SERPINB12: variants seen among roughly 807,000 people sequenced by gnomAD.
SERPINB12 encodes the protein serpin B12.
In SERPINB12, 57 loss-of-function variants were observed where a neutral mutation model predicts 41.1. The ratio of observed to expected loss-of-function variants is 1.39; its 90% CI spans 1.12 to 1.73. The LOEUF (loss-of-function observed/expected upper bound fraction) is 1.73. Among genes scored for constraint, SERPINB12 ranks in the 40% most tolerant of loss-of-function variants. The pLI is 0.00. For synonymous variants in SERPINB12, 180 were observed against 181.3 expected, an observed-to-expected ratio of 0.99 and a Z score of 0.06; for missense variants, 536 against 501.9, an observed-to-expected ratio of 1.07 and a Z score of -0.65.
At chr18:63,536,940 CAATT>C in the SERPINB12 span, among the ~76,000 whole-genome samples, 79 of 152,086 alleles carry the variant, frequency 5.2e-4, no homozygotes, top group Non-Finnish European at 9.4e-4. Context: ...TTAGGGGAAA[CAATT>C]TATTTAAATC....
In SERPINB12 at chr18:63,556,342, G is replaced by A. The variant is rs60289002; in HGVS notation, c.168+15G>A. 25 of 1,611,766 alleles carry A rather than the reference G, an allele frequency of 1.6e-5. No individual in the cohort carries two copies. The highest frequency in any genetic ancestry group is 2.0e-5 in the Non-Finnish European group (23 of 1,178,490). On this transcript the variant is annotated intron_variant, in intron 2 of 7. Transcript: ENST00000382768. ...AGATTGATGAGGTACGTGTCCACTA[G>A]GGTGCTACACAGGGTCCTAAACTCT...
At chr18:63,520,731 T>C in the SERPINB12 span, among the ~76,000 whole-genome samples, 1 of 152,036 alleles carries the variant, frequency 6.6e-6, no homozygotes, top group Admixed American at 6.6e-5. Flanking sequence ...TGAAGCCCAG[T>C]TGTGGGTAGG....
the SERPINB12 span, among the ~76,000 whole-genome samples, chr18:63,526,171 A>G: frequency 6.6e-6 from 1 of 152,138 alleles, no homozygotes; most frequent in Non-Finnish European, 1.5e-5. Context: ...TTTTCCTTTT[A>G]AGTTAATTAA....
chr18:63,549,649 A>G (rs79471059), intron 1 of SERPINB12, among the ~76,000 whole-genome samples: 6,216 of 152,216 alleles, frequency 0.041, 430 homozygotes, highest in African/African-American at 0.14. Context: ...AACCCCCATA[A>G]AGATTGTAGG....
intron 1 of SERPINB12, among the ~76,000 whole-genome samples, chr18:63,543,451 C>T (rs1599411571): frequency 1.3e-5 from 2 of 152,196 alleles, no homozygotes; most frequent in South Asian, 4.1e-4. Flanking sequence ...CAGTGCCTGA[C>T]ACATTATAGG....
At position 63,551,302 on chromosome 18, in the gene SERPINB12, A is replaced by G. The variant is rs557662941; in HGVS notation, c.-18-4840A>G. ...AAACAAAGAAACAAAAAAAACAAAA[A>G]AAAGAAAGTTTTCAGGTATGATTTC... On this transcript the variant is annotated intron_variant, in intron 1 of 7. Coordinates refer to ENST00000382768, the MANE Select transcript of SERPINB12 (RefSeq NM_001307928.2). Among the ~76,000 whole-genome samples the G allele has an allele frequency of 2.0e-5, 3 of 152,154 alleles. No individual in the cohort carries two copies. The South Asian group carries it at 6.2e-4, about 32-fold the overall frequency.
At chr18:63,558,590 T>G (rs1221840935) in intron 3 of SERPINB12, 104 bp downstream of exon 3, 1 of 1,259,360 alleles carries the variant, frequency 7.9e-7, no homozygotes, top group Non-Finnish European at 1.1e-6. Context: ...TATTAGACTC[T>G]GGATACCATC....
At chr18:63,557,538 T>C (rs1421737382) in intron 2 of SERPINB12, among the ~76,000 whole-genome samples, 1 of 152,230 alleles carries the variant, frequency 6.6e-6, no homozygotes, top group Non-Finnish European at 1.5e-5. Flanking sequence ...AATTTATGGA[T>C]TAAGACAGAA....
chr18:63,563,338 G>C (rs1262925212), intron 5 of SERPINB12, among the ~76,000 whole-genome samples: 1 of 152,164 alleles, frequency 6.6e-6, no homozygotes, highest in Non-Finnish European at 1.5e-5. Context: ...TTATCATATT[G>C]TCAGATGACT....
At position 63,564,023 on chromosome 18, in the gene SERPINB12, C is replaced by G. The variant is rs1192555552; in HGVS notation, c.608C>G (p.Thr203Ser). ...AGCAAGGACGCTATTAATGCTGAGA[C>G]TGTGCTGGTACTGGTGAATGCTGTT... ...LFSKDAINAETVLVLVNAVYF... is the reference protein window; with the variant it reads ...LFSKDAINAESVLVLVNAVYF... The change falls in exon 6 of 8, where the codon ACT becomes AGT. Residue 203 changes from threonine to serine, a missense_variant. Physicochemically the swap from Thr to Ser is moderately conservative, Grantham distance 58. Coordinates refer to ENST00000382768, the MANE Select transcript of SERPINB12 (RefSeq NM_001307928.2). 1 of 1,613,814 alleles carries G rather than the reference C, an allele frequency of 6.2e-7. No individual in the cohort carries two copies. Among genetic ancestry groups the G allele is most frequent in the Non-Finnish European group, 8.5e-7 (1 of 1,179,878 alleles).
chr18:63,528,004 CTT>C, the SERPINB12 span, among the ~76,000 whole-genome samples: 2 of 152,108 alleles, frequency 1.3e-5, no homozygotes, highest in Admixed American at 1.3e-4. Flanking sequence ...CAAGCTCACT[CTT>C]TGCCTATTGC....
At position 63,547,460 on chromosome 18, in the gene SERPINB12, C is replaced by A. The variant is rs538119893; in HGVS notation, c.-19+4968C>A. 5.5e-3 allele frequency among the ~76,000 whole-genome samples: 839 copies of A among 151,800 alleles called. 4 individuals carry two copies. Among genetic ancestry groups the A allele is most frequent in the African/African-American group, 0.019 (791 of 41,424 alleles). ...TGGTTATTATTTAGTTTGCTGTAAC[C>A]TGGTTTGAATATTTGTTCCAGCAGA... is the stretch of plus-strand genomic sequence containing the variant. On this transcript the variant is annotated intron_variant, in intron 1 of 7. Coordinates refer to ENST00000382768, the MANE Select transcript of SERPINB12 (RefSeq NM_001307928.2).
At chr18:63,554,713 C>T (rs1910619975) in intron 1 of SERPINB12, among the ~76,000 whole-genome samples, 1 of 152,146 alleles carries the variant, frequency 6.6e-6, no homozygotes, top group Admixed American at 6.5e-5. Context: ...CTATCTCACT[C>T]TGGTTCTATA....
Position 63,543,597 on chromosome 18 carries a change from TA to T in SERPINB12, c.-19+1106del, listed in dbSNP as rs1301564214. Among the ~76,000 whole-genome samples the T allele has an allele frequency of 8.0e-5, 6 of 75,452 alleles. No individual in the cohort carries two copies. The East Asian group carries it at 1.7e-3, about 21-fold the overall frequency. 49.5% of individuals were successfully genotyped at this position (75,452 alleles called of 152,430 possible). A position where few individuals can be genotyped will look rare whatever the true frequency, so the allele number is the denominator to read the frequency against. On this transcript the variant is annotated intron_variant, in intron 1 of 7. Coordinates refer to ENST00000382768, the MANE Select transcript of SERPINB12 (RefSeq NM_001307928.2). Reference sequence around the variant, plus strand: ...TTATTTATTTATTTTTATTTTTATTTATTTTTTTTTTTATTGAGACAGAGTC... The same window carrying T: ...TTATTTATTTATTTTTATTTTTATTTTTTTTTTTTTTATTGAGACAGAGTC...
At chr18:63,562,422 CA>C (rs1910943222) in intron 5 of SERPINB12, among the ~76,000 whole-genome samples, 1 of 152,176 alleles carries the variant, frequency 6.6e-6, no homozygotes, top group Non-Finnish European at 1.5e-5. Context: ...ACCATGACCC[CA>C]GGCATTTGCA....
At position 63,568,454 on chromosome 18, in the gene SERPINB12, C is replaced by T. The variant is rs1911188237; in HGVS notation, c.*1443C>T. Among the ~76,000 whole-genome samples, 1 of 152,094 alleles carries T rather than the reference C, an allele frequency of 6.6e-6. No homozygotes were observed. The highest frequency in any genetic ancestry group is 1.9e-4 in the East Asian group (1 of 5,186). Reference sequence around the variant, plus strand: ...CCCTTGTCAAGAAGGCCATTGGGCTCATCTCAAGCTCTAGTCTACTGAAGG... The same window carrying T: ...CCCTTGTCAAGAAGGCCATTGGGCTTATCTCAAGCTCTAGTCTACTGAAGG... On this transcript the variant is annotated 3_prime_UTR_variant, in exon 8 of 8. Transcript: ENST00000382768.
chr18:63,560,696 GA>G (rs1274208514), intron 4 of SERPINB12, among the ~76,000 whole-genome samples: 2 of 151,794 alleles, frequency 1.3e-5, no homozygotes, highest in Non-Finnish European at 1.5e-5. Context: ...ACTCTAAACA[GA>G]AACTCTGCAA....
At chr18:63,565,746 TG>T in intron 7 of SERPINB12, 134 bp downstream of exon 7, 1 of 653,588 alleles carries the variant, frequency 1.5e-6, no homozygotes, top group Non-Finnish European at 2.4e-6. Context: ...TGTAAGAATC[TG>T]AATTAGATTA....
intron 7 of SERPINB12, among the ~76,000 whole-genome samples, chr18:63,565,908 C>G (rs538335894): frequency 6.6e-6 from 1 of 152,190 alleles, no homozygotes; most frequent in East Asian, 1.9e-4. Flanking sequence ...TTAAGTTTTC[C>G]CTTTTCTCTG....
Sources: allele counts gnomAD v4.1 joint callset (sites outside exome capture counted in the v4.1 genomes callset), GRCh38; gene constraint gnomAD v4.1.1; transcripts MANE v1.5; gene names NCBI Gene and HGNC (gene_info 2026-07-23, HGNC 2026-07-21).